SLC49A4: variants seen among roughly 807,000 people sequenced by gnomAD.
The protein encoded by SLC49A4 is disrupted in renal cancer protein 2.
Under a neutral mutation model 50.6 loss-of-function variants are expected in SLC49A4, and 36 were observed. The ratio of observed to expected loss-of-function variants is 0.71; its 90% CI spans 0.55 to 0.94. The LOEUF is 0.94. SLC49A4 is among the 40% of genes least tolerant of loss of function. The probability of loss-of-function intolerance (pLI) is 0.00; values close to 1 mark genes in which losing one functional copy is unlikely to be tolerated. For synonymous variants in SLC49A4, 248 were observed against 241.2 expected (o/e 1.03, Z -0.26); for missense variants, 503 against 605.7 (o/e 0.83, Z 1.78).
At position 122,872,484 on chromosome 3, in the gene SLC49A4, T is replaced by G; in HGVS notation, c.1208T>G (p.Leu403Arg). The G allele has an allele frequency of 6.2e-7, 1 of 1,613,966 alleles. No individual in the cohort carries two copies. The highest frequency in any genetic ancestry group is 8.5e-7 in the Non-Finnish European group (1 of 1,179,852). Residue 403 changes from leucine to arginine, a missense_variant, in exon 8 of 9, where the codon CTT becomes CGT. Coordinates refer to ENST00000261038, the MANE Select transcript of SLC49A4 (RefSeq NM_032839.3). ...AGCAGCGTGCCTATATTTTTTGAGCTTTTTGTGGAAACTGTCTACCCAGTT... is the reference window on the plus strand; with the variant it reads ...AGCAGCGTGCCTATATTTTTTGAGCGTTTTGTGGAAACTGTCTACCCAGTT... ...LNSSVPIFFE[L>R]FVETVYPVPE...
rs150233566 is a variant in SLC49A4 at position 122,880,002 on chromosome 3, G to C, written c.*624G>C. 5.9e-5 allele frequency: 9 copies of C among 152,726 alleles called. No individual in the cohort carries two copies. Among genetic ancestry groups the C allele is most frequent in the Non-Finnish European group, 1.3e-4 (9 of 68,026 alleles). 9.5% of individuals were successfully genotyped at this position (152,726 alleles called of 1,614,324 possible). ...CCAGTGACTTCTGAGCATAGGCACTGTGTCTCCATCTCAACTTATCCTTGT... is the reference window on the plus strand; with the variant it reads ...CCAGTGACTTCTGAGCATAGGCACTCTGTCTCCATCTCAACTTATCCTTGT... On this transcript the variant is annotated 3_prime_UTR_variant, in exon 9 of 9. Coordinates refer to ENST00000261038, the MANE Select transcript of SLC49A4 (RefSeq NM_032839.3).
intron 7 of SLC49A4, among the ~76,000 whole-genome samples, chr3:122,870,310 G>A (rs985217545): frequency 1.3e-5 from 2 of 151,488 alleles, no homozygotes; most frequent in Non-Finnish European, 2.9e-5. Flanking sequence ...TTGGTCAATG[G>A]TTCTCTGTCC....
At chr3:122,834,179 TTC>T (rs2107568544) in intron 4 of SLC49A4, among the ~76,000 whole-genome samples, 1 of 152,322 alleles carries the variant, frequency 6.6e-6, no homozygotes, top group South Asian at 2.1e-4. Flanking sequence ...TCTAAATTGG[TTC>T]TTTCTTTTCT....
chr3:122,862,134 T>C (rs1049040100), intron 7 of SLC49A4, among the ~76,000 whole-genome samples: 12 of 152,376 alleles, frequency 7.9e-5, no homozygotes, highest in Middle Eastern at 6.8e-3. Flanking sequence ...TGTGGTTCTT[T>C]AAGGATGAAA....
Position 122,838,445 on chromosome 3 carries a change from C to T in SLC49A4, c.833+4999C>T, listed in dbSNP as rs963227477. 2.3e-4 allele frequency among the ~76,000 whole-genome samples: 35 copies of T among 151,102 alleles called. No homozygotes were observed. In the Admixed American group the frequency reaches 2.3e-3, roughly 10 times the overall value. ...GCTGGAAACCATCATTCTCAGCAAA[C>T]TGTCACAAGGACAAAAAACCAAACA... On this transcript the variant is annotated intron_variant, in intron 4 of 8. Transcript: ENST00000261038.
chr3:122,851,917 A>G (rs577568609), intron 5 of SLC49A4, among the ~76,000 whole-genome samples: 2 of 150,248 alleles, frequency 1.3e-5, no homozygotes, highest in South Asian at 2.1e-4. Context: ...TCACTATTTC[A>G]GTTTTCAACT....
rs185804669 is a variant in SLC49A4, at chr3:122,871,801, T to C, written c.1139-614T>C. On this transcript the variant is annotated intron_variant, in intron 7 of 8. Transcript: ENST00000261038. Reference sequence around the variant, plus strand: ...CCACAGAATAGTGTTAACAGACTTTTTATGGTTTGATTGGGGATCCTAGTC... The same window carrying C: ...CCACAGAATAGTGTTAACAGACTTTCTATGGTTTGATTGGGGATCCTAGTC... 2.1e-3 allele frequency among the ~76,000 whole-genome samples: 326 copies of C among 152,288 alleles called. 2 individuals carry two copies. The highest frequency in any genetic ancestry group is 6.7e-3 in the African/African-American group (279 of 41,578).
intron 3 of SLC49A4, among the ~76,000 whole-genome samples, chr3:122,830,200 T>G (rs1484983432): frequency 1.3e-5 from 2 of 152,238 alleles, no homozygotes; most frequent in East Asian, 3.8e-4. Flanking sequence ...GGAAAGGCAT[T>G]CCATGTTCAT....
At chr3:122,840,513 A>G (rs973738987) in intron 4 of SLC49A4, among the ~76,000 whole-genome samples, 1 of 152,234 alleles carries the variant, frequency 6.6e-6, no homozygotes, top group Non-Finnish European at 1.5e-5. Context: ...AAGTAAAATT[A>G]GTTCTAAGAA....
At position 122,853,203 on chromosome 3, in the gene SLC49A4, G is replaced by A. The variant is rs181412479; in HGVS notation, c.943-3104G>A. On this transcript the variant is annotated intron_variant, in intron 5 of 8. Transcript: ENST00000261038. Reference sequence around the variant, plus strand: ...CTTGCTGCATTCTCATGTGGCAAAGGGGCAAGGCAGCTCCCTTCAACCTCT... The same window carrying A: ...CTTGCTGCATTCTCATGTGGCAAAGAGGCAAGGCAGCTCCCTTCAACCTCT... 3.0e-3 allele frequency among the ~76,000 whole-genome samples: 450 copies of A among 152,214 alleles called. 1 individual carries two copies. Among genetic ancestry groups the A allele is most frequent in the South Asian group, 8.5e-3 (41 of 4,816 alleles).
At chr3:122,834,497 A>T (rs867833918) in intron 4 of SLC49A4, among the ~76,000 whole-genome samples, 5 of 152,206 alleles carry the variant, frequency 3.3e-5, no homozygotes, top group African/African-American at 7.2e-5. Flanking sequence ...GATGAAAATT[A>T]AATTCTTTAA....
At position 122,880,503 on chromosome 3, in the gene SLC49A4, A is replaced by G. The variant is rs1433813901; in HGVS notation, c.*1125A>G. 1.3e-5 allele frequency: 2 copies of G among 152,196 alleles called. No homozygotes were observed. The highest frequency in any genetic ancestry group is 2.9e-5 in the Non-Finnish European group (2 of 68,026). The allele number at this position is 152,196 out of a possible 1,614,324, so 9.4% of individuals were successfully genotyped here. On this transcript the variant is annotated 3_prime_UTR_variant, in exon 9 of 9. Transcript: ENST00000261038. ...TCAGACACAGATTTCACTGTGACGT[A>G]AAATACACTGCAGTGAGAATATGGT...
At chr3:122,845,607 G>GTTTT (rs35604258) in intron 4 of SLC49A4, among the ~76,000 whole-genome samples, 156 bp from the exon 5 acceptor site, 20 of 97,438 alleles carry the variant, frequency 2.1e-4, no homozygotes, top group Admixed American at 3.6e-4. Context: ...TTTCCAGCAC[G>GTTTT]TTTTTTTTTT....
At chr3:122,864,742 A>G (rs1937094614) in intron 7 of SLC49A4, among the ~76,000 whole-genome samples, 1 of 152,206 alleles carries the variant, frequency 6.6e-6, no homozygotes, top group African/African-American at 2.4e-5. Context: ...CAGCTGGGTC[A>G]GTGGGTTATG....
intron 2 of SLC49A4, among the ~76,000 whole-genome samples, chr3:122,817,758 T>TA (rs1178307948): frequency 7.3e-6 from 1 of 137,834 alleles, no homozygotes; most frequent in Admixed American, 7.3e-5. Flanking sequence ...TTTTTTTTTT[T>TA]TTTTTTTTTT....
At chr3:122,872,337 A>G (rs1246848911) in intron 7 of SLC49A4, 78 bp from the exon 8 acceptor site, 4 of 1,256,034 alleles carry the variant, frequency 3.2e-6, no homozygotes, top group Non-Finnish European at 4.4e-6. Context: ...TACTTAGGAA[A>G]GAGAACACCC....
chr3:122,871,231 A>G (rs1276836050), intron 7 of SLC49A4, among the ~76,000 whole-genome samples: 1 of 152,204 alleles, frequency 6.6e-6, no homozygotes, highest in African/African-American at 2.4e-5. Flanking sequence ...TTATCAGAAT[A>G]TACTAAATAT....
chr3:122,858,405 G>A, intron 6 of SLC49A4, among the ~76,000 whole-genome samples: 1 of 152,114 alleles, frequency 6.6e-6, no homozygotes, highest in East Asian at 1.9e-4. Flanking sequence ...AAACTGTTAG[G>A]TAAGCGTGGG....
rs1935997405 is a variant in SLC49A4 at position 122,795,236 on chromosome 3, TGGGGCCCGGGCTCGG to T, written c.46_60del (p.Gly16_Gly20del). ...AGCGAAGAGGAGAGGCAGCCGCTGCTGGGGCCCGGGCTCGGGCCTGGGCTGGGGGCCTCCTGGAGA... is the reference window on the plus strand; with the variant it reads ...AGCGAAGAGGAGAGGCAGCCGCTGCTGCCTGGGCTGGGGGCCTCCTGGAGA... On this transcript the variant is annotated inframe_deletion, in exon 1 of 9. Transcript: ENST00000261038. 1.9e-5 allele frequency: 26 copies of T among 1,340,794 alleles called. No homozygotes were observed. The highest frequency in any genetic ancestry group is 2.8e-4 in the Middle Eastern group (1 of 3,610). 83.1% of individuals were successfully genotyped at this position (1,340,794 alleles called of 1,614,324 possible).
Sources: gnomAD v4.1 joint callset for allele counts (sites outside exome capture counted in the v4.1 genomes callset) on GRCh38, gnomAD v4.1.1 for gene constraint, MANE v1.5 for transcripts, NCBI Gene and HGNC (gene_info 2026-07-23, HGNC 2026-07-21) for gene names.